Variants in ERI1 observed in about 807,000 individuals in gnomAD.
ERI1 encodes the protein exoribonuclease 1.
A neutral mutation model predicts 39.7 loss-of-function variants in ERI1; 39 were observed. The ratio of observed to expected loss-of-function variants is 0.98; its 90% CI spans 0.76 to 1.28. The LOEUF is 1.28. Among genes scored for constraint, ERI1 ranks in the 50% most tolerant of loss-of-function variants. The probability of loss-of-function intolerance (pLI) is 0.00; values close to 1 mark genes in which losing one functional copy is unlikely to be tolerated. For missense variants in ERI1, 581 were observed against 416.9 expected (o/e 1.39, Z -3.43); for synonymous variants, 204 against 149.6 (o/e 1.36, Z -2.65).
chr8:9,038,199 C>T (rs760837842), downstream of ERI1, among the ~76,000 whole-genome samples: 6 of 152,278 alleles, frequency 3.9e-5, no homozygotes, highest in Non-Finnish European at 7.4e-5. Flanking sequence ...TAAAATTCCT[C>T]TTTCTCCTGG....
At chr8:9,068,481 T>C (rs1190273670) in intron 3 of ERI1, among the ~76,000 whole-genome samples, 1 of 152,008 alleles carries the variant, frequency 6.6e-6, no homozygotes, top group East Asian at 1.9e-4. Context: ...GAAGTACAGG[T>C]GTGTGCCATG....
Position 9,012,976 on chromosome 8 carries a change from A to G in ERI1, c.498+1224A>G, listed in dbSNP as rs73524213. On this transcript the variant is annotated intron_variant, in intron 3 of 6. Coordinates refer to ENST00000250263, the MANE Select transcript of ERI1 (RefSeq NM_153332.4). Reference sequence around the variant, plus strand: ...TCCACTAAAATCACTCATCAACATCATCTTTGACCTTTACCCTAACTCCTG... The same window carrying G: ...TCCACTAAAATCACTCATCAACATCGTCTTTGACCTTTACCCTAACTCCTG... Among the ~76,000 whole-genome samples, 846 of 151,894 alleles carry G rather than the reference A, an allele frequency of 5.6e-3. 9 individuals carry two copies. Among genetic ancestry groups the G allele is most frequent in the African/African-American group, 0.019 (797 of 41,366 alleles).
intron 2 of ERI1, among the ~76,000 whole-genome samples, chr8:9,010,629 A>G (rs138375501): frequency 1.6e-3 from 238 of 151,860 alleles, no homozygotes; most frequent in Non-Finnish European, 2.9e-3. Flanking sequence ...CTACACATTA[A>G]TTATAATTTA....
intron 3 of ERI1, among the ~76,000 whole-genome samples, chr8:9,082,636 G>A (rs548348547): frequency 6.6e-6 from 1 of 152,252 alleles, no homozygotes; most frequent in South Asian, 2.1e-4. Flanking sequence ...CTACATCTGG[G>A]CTCCTCATCT....
chr8:9,027,633 C>G (rs919056864), intron 6 of ERI1, among the ~76,000 whole-genome samples: 1 of 152,078 alleles, frequency 6.6e-6, no homozygotes, highest in African/African-American at 2.4e-5. Flanking sequence ...GGTCTTTGAT[C>G]AATTTTAAGT....
intron 3 of ERI1, among the ~76,000 whole-genome samples, chr8:9,068,693 T>G (rs868133630): frequency 1.3e-5 from 2 of 152,196 alleles, no homozygotes; most frequent in East Asian, 3.8e-4. Context: ...TGTGTACATA[T>G]GTATTGTCTT....
downstream of ERI1, among the ~76,000 whole-genome samples, chr8:9,037,855 G>A (rs1302937029): frequency 6.8e-6 from 1 of 146,452 alleles, no homozygotes; most frequent in Non-Finnish European, 1.5e-5. Context: ...ATGTTAAGCT[G>A]TCCTTCCTAG....
chr8:9,066,363 C>T (rs944319538), intron 3 of ERI1, among the ~76,000 whole-genome samples: 1 of 152,182 alleles, frequency 6.6e-6, no homozygotes, highest in African/African-American at 2.4e-5. Flanking sequence ...AGCGGGCTCC[C>T]CGGTGATCCC....
chr8:9,026,372 ACT>A (rs1193517875), intron 6 of ERI1, among the ~76,000 whole-genome samples: 2 of 152,038 alleles, frequency 1.3e-5, no homozygotes, highest in Non-Finnish European at 2.9e-5. Context: ...CAAAAGTGAA[ACT>A]CTGTGCCTGT....
intron 3 of ERI1, among the ~76,000 whole-genome samples, chr8:9,043,328 G>C (rs1351234528): frequency 1.3e-5 from 2 of 152,164 alleles, no homozygotes; most frequent in African/African-American, 4.8e-5. Context: ...TTCAAGCCCA[G>C]CTTTTGTGAC....
chr8:9,061,524 G>A (rs577112732), intron 3 of ERI1, among the ~76,000 whole-genome samples: 8 of 152,324 alleles, frequency 5.3e-5, no homozygotes, highest in Admixed American at 1.3e-4. Context: ...AGTGGCGGCC[G>A]CTGCACGCAG....
chr8:9,014,926 C>G (rs1270208207), intron 3 of ERI1, among the ~76,000 whole-genome samples: 1 of 152,144 alleles, frequency 6.6e-6, no homozygotes, highest in Non-Finnish European at 1.5e-5. Flanking sequence ...CAACCTCTGC[C>G]TCCTGGGTTC....
At chr8:9,059,955 A>G (rs993923096) in intron 3 of ERI1, among the ~76,000 whole-genome samples, 14 of 152,196 alleles carry the variant, frequency 9.2e-5, no homozygotes, top group Admixed American at 1.3e-4. Context: ...GAGCGTCCAT[A>G]CAGGAGCTCA....
chr8:9,080,358 T>A (rs1344960184), intron 3 of ERI1, among the ~76,000 whole-genome samples: 2 of 152,208 alleles, frequency 1.3e-5, no homozygotes, highest in Non-Finnish European at 2.9e-5. Context: ...TCCATGTTCA[T>A]GTGATGTCCT....
At chr8:9,056,112 G>A (rs1258136059) in intron 3 of ERI1, among the ~76,000 whole-genome samples, 1 of 152,222 alleles carries the variant, frequency 6.6e-6, no homozygotes, top group Non-Finnish European at 1.5e-5. Context: ...TATGTGCTAT[G>A]GGTTCCTGGA....
rs1797549609 is a variant in ERI1 at position 9,030,996 on chromosome 8, G to C, written c.*962G>C. On this transcript the variant is annotated 3_prime_UTR_variant, in exon 7 of 7. Transcript: ENST00000250263. ...TTTTTCTGATTTTACATAGTAAATG[G>C]CTGCTAAGTATTGAGTAATTCTTAA... 6.6e-6 allele frequency: 1 copy of C among 152,134 alleles called. No individual in the cohort carries two copies. The highest frequency in any genetic ancestry group is 2.1e-4 in the South Asian group (1 of 4,836). 9.4% of individuals were successfully genotyped at this position (152,134 alleles called of 1,614,324 possible).
At chr8:9,003,295 C>T (rs551016521) in intron 1 of ERI1, 124 bp downstream of exon 1, 2 of 519,542 alleles carry the variant, frequency 3.8e-6, no homozygotes, top group East Asian at 3.5e-5. Flanking sequence ...ACCCCAGCCT[C>T]TTCCTCGGTG....
intron 3 of ERI1, among the ~76,000 whole-genome samples, chr8:9,052,578 G>A (rs1490087974): frequency 1.3e-5 from 2 of 152,130 alleles, no homozygotes; most frequent in African/African-American, 2.4e-5. Flanking sequence ...ACGTATGAAG[G>A]GACATCTTTT....
chr8:9,090,343 A>C (rs150990720), intron 3 of ERI1, among the ~76,000 whole-genome samples: 94 of 152,330 alleles, frequency 6.2e-4, no homozygotes, highest in African/African-American at 1.7e-3. Flanking sequence ...CCAGTGATGT[A>C]AAAGCCTTTC....
Sources: allele counts gnomAD v4.1 joint callset (sites outside exome capture counted in the v4.1 genomes callset), GRCh38; gene constraint gnomAD v4.1.1; transcripts MANE v1.5; gene names NCBI Gene and HGNC (gene_info 2026-07-23, HGNC 2026-07-21).